Variants in ZBTB40 observed in about 807,000 individuals in gnomAD.
ZBTB40 encodes the protein zinc finger and BTB domain containing 40.
Under a neutral mutation model 117.5 loss-of-function variants are expected in ZBTB40, and 60 were observed. That is an observed-to-expected ratio of 0.51 (90% confidence interval 0.41 to 0.63). The LOEUF is 0.63. Among genes scored for constraint, ZBTB40 ranks in the 30% least tolerant of loss-of-function variants. The probability of loss-of-function intolerance (pLI) is 0.00; values close to 1 mark genes in which losing one functional copy is unlikely to be tolerated. For synonymous variants in ZBTB40, 525 were observed against 577.1 expected, an observed-to-expected ratio of 0.91 and a Z score of 1.29; for missense variants, 1,287 against 1,498.5, an observed-to-expected ratio of 0.86 and a Z score of 2.33.
intron 1 of ZBTB40, among the ~76,000 whole-genome samples, chr1:22,471,846 C>A (rs1641413336): frequency 6.6e-6 from 1 of 152,228 alleles, no homozygotes; most frequent in Non-Finnish European, 1.5e-5. Context: ...GGATACCACA[C>A]ACCACGTAGG....
At chr1:22,508,757 T>G (rs910440300) in intron 8 of ZBTB40, 26 bp downstream of exon 8, 30 of 1,604,244 alleles carry the variant, frequency 1.9e-5, no homozygotes, top group Non-Finnish European at 2.2e-5. Flanking sequence ...TCTGGGGGGG[T>G]TTTGCCCCCA....
At chr1:22,470,557 A>G (rs1641376980) in intron 1 of ZBTB40, among the ~76,000 whole-genome samples, 1 of 152,216 alleles carries the variant, frequency 6.6e-6, no homozygotes, top group African/African-American at 2.4e-5. Context: ...TGGTATAGAC[A>G]GATGTCCCGA....
chr1:22,449,855 A>C (rs1640834378), upstream of ZBTB40, among the ~76,000 whole-genome samples: 1 of 152,174 alleles, frequency 6.6e-6, no homozygotes, highest in Admixed American at 6.5e-5. Flanking sequence ...ATTCCTATTG[A>C]GACTCCTGAG....
chr1:22,467,330 A>T (rs1335350519), intron 1 of ZBTB40, among the ~76,000 whole-genome samples: 1 of 152,168 alleles, frequency 6.6e-6, no homozygotes, highest in African/African-American at 2.4e-5. Context: ...GTCTCTAAGG[A>T]CATTTTTATA....
intron 1 of ZBTB40, among the ~76,000 whole-genome samples, chr1:22,471,584 A>G (rs1162520740): frequency 6.6e-6 from 1 of 152,264 alleles, no homozygotes; most frequent in Non-Finnish European, 1.5e-5. Context: ...TGCTTAGCAC[A>G]ATGCCAGACA....
chr1:22,453,642 A>G (rs1360701329), intron 1 of ZBTB40, among the ~76,000 whole-genome samples: 2 of 152,248 alleles, frequency 1.3e-5, no homozygotes, highest in Non-Finnish European at 2.9e-5. Flanking sequence ...CACCAATACT[A>G]TGACATAAGT....
intron 1 of ZBTB40, among the ~76,000 whole-genome samples, chr1:22,482,039 G>A (rs1023076484): frequency 2.0e-5 from 3 of 151,540 alleles, no homozygotes; most frequent in East Asian, 1.9e-4. Flanking sequence ...AATTCCAGTC[G>A]CCTACTAGAG....
At chr1:22,433,447 A>AACAAAAAC (rs1640626594) in intron 1 of ZBTB40, among the ~76,000 whole-genome samples, 1 of 141,428 alleles carries the variant, frequency 7.1e-6, no homozygotes, top group African/African-American at 2.5e-5. Flanking sequence ...AAAAAAAAAA[A>AACAAAAAC]AAAAAAAAAA....
intron 11 of ZBTB40, among the ~76,000 whole-genome samples, chr1:22,512,454 T>G (rs1489218983): frequency 6.6e-6 from 1 of 152,232 alleles, no homozygotes; most frequent in Non-Finnish European, 1.5e-5. Context: ...CAGCTCTTAC[T>G]GTTTACAGTG....
Position 22,513,593 on chromosome 1 carries a change from C to T in ZBTB40, c.2668+463C>T, listed in dbSNP as rs1043685545. Among the ~76,000 whole-genome samples, 4 of 152,028 alleles carry T rather than the reference C, an allele frequency of 2.6e-5. No homozygotes were observed. The highest frequency in any genetic ancestry group is 5.9e-5 in the Non-Finnish European group (4 of 68,020). On this transcript the variant is annotated intron_variant, in intron 12 of 17. Coordinates refer to ENST00000375647, the MANE Select transcript of ZBTB40 (RefSeq NM_014870.4). This position sits in a 1 kb window ranked among gnomAD's most constrained non-coding sequence, Gnocchi z 4.9. ...GCGGGCACCTGGAGTCTCAGCTACT[C>T]GGGAGGCTGAGGCAGGAGAATGGTG...
intron 9 of ZBTB40, among the ~76,000 whole-genome samples, chr1:22,509,843 A>G (rs911895906): frequency 6.6e-6 from 1 of 152,204 alleles, no homozygotes; most frequent in African/African-American, 2.4e-5. Context: ...CCAGCTTCCT[A>G]TGACTCAAAC....
upstream of ZBTB40, chr1:22,451,752 G>C (rs1429231440): frequency 6.7e-6 from 1 of 148,458 alleles, no homozygotes; most frequent in Non-Finnish European, 1.5e-5. Context: ...GCCGGCCCCC[G>C]CCGTCCTAGC....
chr1:22,436,063 T>C (rs554431174), intron 1 of ZBTB40, among the ~76,000 whole-genome samples: 3 of 152,206 alleles, frequency 2.0e-5, no homozygotes, highest in East Asian at 3.9e-4. Flanking sequence ...GATGGAAGTA[T>C]AAATGATACA....
chr1:22,455,935 A>G (rs1307521472), intron 1 of ZBTB40, among the ~76,000 whole-genome samples: 1 of 152,154 alleles, frequency 6.6e-6, no homozygotes, highest in Non-Finnish European at 1.5e-5. Flanking sequence ...GTTGCCTCGT[A>G]CTGAGTATTT....
upstream of ZBTB40, among the ~76,000 whole-genome samples, chr1:22,448,909 T>A (rs1048699656): frequency 6.6e-6 from 1 of 151,814 alleles, no homozygotes; most frequent in Non-Finnish European, 1.5e-5. Context: ...GCCTCCCAGG[T>A]TCAAGCAATT....
At chr1:22,439,093 C>T (rs930094344) in intron 1 of ZBTB40, among the ~76,000 whole-genome samples, 3 of 152,176 alleles carry the variant, frequency 2.0e-5, no homozygotes, top group African/African-American at 7.2e-5. Context: ...GTCTCGAACT[C>T]CTGACCTTGT....
intron 1 of ZBTB40, among the ~76,000 whole-genome samples, chr1:22,453,963 T>G (rs1158314525): frequency 6.6e-6 from 1 of 152,234 alleles, no homozygotes; most frequent in African/African-American, 2.4e-5. Flanking sequence ...TTTATTTATT[T>G]TTTTGAGACA....
chr1:22,487,758 A>G (rs542936225), intron 1 of ZBTB40, among the ~76,000 whole-genome samples: 5 of 152,224 alleles, frequency 3.3e-5, no homozygotes, highest in African/African-American at 1.2e-4. Flanking sequence ...TAAAATGCAT[A>G]TCTGACCACA....
chr1:22,502,884 A>G, intron 5 of ZBTB40, among the ~76,000 whole-genome samples: 1 of 152,216 alleles, frequency 6.6e-6, no homozygotes, highest in East Asian at 1.9e-4. Flanking sequence ...CATTTGGAAT[A>G]TGTAGAAAAT....
Sources: allele counts gnomAD v4.1 joint callset (sites outside exome capture counted in the v4.1 genomes callset), GRCh38; gene constraint gnomAD v4.1.1; non-coding constraint Gnocchi (gnomAD v3.1); transcripts MANE v1.5; gene names NCBI Gene and HGNC (gene_info 2026-07-23, HGNC 2026-07-21).